The following NUP42 variants were observed in gnomAD, a reference collection of about 807,000 sequenced individuals.
NUP42 encodes the protein nucleoporin NUP42.
A neutral mutation model predicts 35.9 loss-of-function variants in NUP42; 47 were observed. The observed-to-expected ratio is 1.31, with a 90% CI of 1.04 to 1.67. The LOEUF (loss-of-function observed/expected upper bound fraction) is 1.67, where lower values mean the gene tolerates loss of function less well. Ranked by LOEUF, NUP42 falls within the 40% of genes most tolerant of loss-of-function variation. The pLI, the probability that NUP42 is intolerant of heterozygous loss-of-function variation, is 0.00. For missense variants in NUP42, 514 were observed against 492.2 expected (o/e 1.04, Z -0.42); for synonymous variants, 173 against 173.3 (o/e 1.00, Z 0.01).
chr7:23,185,395 A>G (rs1785557516), intron 2 of NUP42, 97 bp downstream of exon 2: 1 of 824,440 alleles, frequency 1.2e-6, no homozygotes, highest in Non-Finnish European at 1.9e-6. Flanking sequence ...TCTTTTCACA[A>G]TACAATATTT....
At chr7:23,191,413 T>C (rs138358555) in intron 3 of NUP42, among the ~76,000 whole-genome samples, 214 of 152,256 alleles carry the variant, frequency 1.4e-3, no homozygotes, top group African/African-American at 4.9e-3. Context: ...GAATTGGTCA[T>C]ATTTGGGTTC....
chr7:23,182,079 C>T lies in NUP42; in HGVS notation c.-7C>T, dbSNP rs780883616. The T allele has an allele frequency of 3.1e-5, 50 of 1,613,678 alleles. No homozygotes were observed. The highest frequency in any genetic ancestry group is 3.8e-5 in the Non-Finnish European group (45 of 1,180,018). Reference sequence around the variant, plus strand: ...TGAAGACGCCCTCCGTCAGCGACGCCGTCGCAATGGCCATTTGTCAATTCT... The same window carrying T: ...TGAAGACGCCCTCCGTCAGCGACGCTGTCGCAATGGCCATTTGTCAATTCT... On this transcript the variant is annotated 5_prime_UTR_variant, in exon 1 of 7. Transcript: ENST00000258742.
chr7:23,193,822 A>ACTT (rs2128474209), intron 3 of NUP42, among the ~76,000 whole-genome samples: 2 of 152,340 alleles, frequency 1.3e-5, no homozygotes, highest in South Asian at 4.1e-4. Context: ...TCAGGAGCGC[A>ACTT]CGGAGGTGAG....
At position 23,195,606 on chromosome 7, in the gene NUP42, C is replaced by T. The variant is rs144676384; in HGVS notation, c.446-233C>T. 62 of 376,870 alleles carry T rather than the reference C, an allele frequency of 1.6e-4. No individual in the cohort carries two copies. In the East Asian group the frequency reaches 2.0e-3, roughly 12 times the overall value. 23.3% of individuals were successfully genotyped at this position (376,870 alleles called of 1,614,324 possible). A position where few individuals can be genotyped will look rare whatever the true frequency, so the allele number is the denominator to read the frequency against. On this transcript the variant is annotated intron_variant, in intron 3 of 6. Coordinates refer to ENST00000258742, the MANE Select transcript of NUP42 (RefSeq NM_007342.3). ...TCTCCTGTGTTTGTTGTTCATTCTA[C>T]GCCACTTATCTTTAGAAAATCTTCC...
At chr7:23,185,351 C>G (rs1162279473) in intron 2 of NUP42, 53 bp downstream of exon 2, 1 of 1,200,820 alleles carries the variant, frequency 8.3e-7, no homozygotes, top group Non-Finnish European at 1.2e-6. Context: ...GTTTTTTCAC[C>G]TACAATCTTT....
chr7:23,187,296 A>C (rs1785626261), intron 3 of NUP42, 150 bp downstream of exon 3: 1 of 554,044 alleles, frequency 1.8e-6, no homozygotes, highest in Non-Finnish European at 3.2e-6. Context: ...TTCTAGCCAA[A>C]CTTCATAATT....
rs763992632 is a variant in NUP42 at position 23,200,405 on chromosome 7, T to C, written c.932T>C (p.Phe311Ser). ...TTCAAAAGCCCTGCAGCTTCCAGTT[T>C]TGGATCACCTGGATTTTCAGGACTT... The part of the protein sequence containing the change: ...FSFKSPAASS[F>S]GSPGFSGLPA... The change falls in exon 7 of 7, where the codon TTT (phenylalanine) becomes TCT (serine). Residue 311 changes from phenylalanine (F) to serine (S), a missense_variant. Transcript: ENST00000258742. The C allele has an allele frequency of 1.2e-6, 2 of 1,614,204 alleles. No individual in the cohort carries two copies. Among genetic ancestry groups the C allele is most frequent in the Non-Finnish European group, 1.7e-6 (2 of 1,180,032 alleles).
intron 6 of NUP42, 53 bp downstream of exon 6, chr7:23,199,595 TA>T: frequency 6.9e-7 from 1 of 1,459,344 alleles, no homozygotes; most frequent in Non-Finnish European, 9.6e-7. Flanking sequence ...TTAGATTTTA[TA>T]GGTTTCAAAT....
At chr7:23,187,916 T>G in intron 3 of NUP42, 3 of 520,478 alleles carry the variant, frequency 5.8e-6, no homozygotes, top group East Asian at 6.8e-5. Context: ...TGGAATAGCA[T>G]TTGCTTTAGA....
Position 23,200,776 on chromosome 7 carries a change from T to C in NUP42, c.*31T>C. 1 of 1,437,680 alleles carries C rather than the reference T, an allele frequency of 7.0e-7. No individual in the cohort carries two copies. The highest frequency in any genetic ancestry group is 9.4e-7 in the Non-Finnish European group (1 of 1,067,320). The allele number at this position is 1,437,680 out of a possible 1,614,324, so 89.1% of individuals were successfully genotyped here. ...CAATTTTAAATACAAAAAAGAATGATGTTTAAAATTGCTTTGAGTGATTCA... is the reference window on the plus strand; with the variant it reads ...CAATTTTAAATACAAAAAAGAATGACGTTTAAAATTGCTTTGAGTGATTCA... On this transcript the variant is annotated 3_prime_UTR_variant, in exon 7 of 7. Transcript: ENST00000258742.
chr7:23,183,324 A>G (rs943502155), intron 1 of NUP42, among the ~76,000 whole-genome samples: 1 of 151,988 alleles, frequency 6.6e-6, no homozygotes, highest in African/African-American at 2.4e-5. Flanking sequence ...GGCTCAAGCG[A>G]TTCTTATGCC....
chr7:23,188,009 T>TA (rs201273338), intron 3 of NUP42: 21,438 of 1,068,014 alleles, frequency 0.02, 378 homozygotes, highest in South Asian at 0.046. Flanking sequence ...TATTTTTTAT[T>TA]TTTATTTTTT....
intron 3 of NUP42, chr7:23,187,388 CTCTACGTTCTTGATTCCCTG>C (rs1348371053): frequency 4.4e-5 from 13 of 296,770 alleles, no homozygotes; most frequent in African/African-American, 2.4e-4. Context: ...CAGGAAGAGA[CTCTACGTTCTTGATTCCCTG>C]TATGTACAAC....
chr7:23,185,295 T>C lies in NUP42; in HGVS notation c.347T>C (p.Leu116Pro). 3.1e-6 allele frequency: 5 copies of C among 1,600,518 alleles called. No homozygotes were observed. The highest frequency in any genetic ancestry group is 3.4e-6 in the Non-Finnish European group (4 of 1,172,336). The change falls in exon 2 of 7, where the codon CTT becomes CCT. Residue 116 changes from leucine (L) to proline (P), a missense_variant. Coordinates refer to ENST00000258742, the MANE Select transcript of NUP42 (RefSeq NM_007342.3). Reference sequence around the variant, plus strand: ...GATGAGCAGAAAGATGAAAAGAAACTTCTGTAAGTGAAAGTTTTCAGGAAA... The same window carrying C: ...GATGAGCAGAAAGATGAAAAGAAACCTCTGTAAGTGAAAGTTTTCAGGAAA... ...SPDEQKDEKK[L>P]LEGIVKDMEV...
intron 1 of NUP42, among the ~76,000 whole-genome samples, chr7:23,184,107 A>C (rs1280184845): frequency 6.6e-6 from 1 of 152,180 alleles, no homozygotes; most frequent in Non-Finnish European, 1.5e-5. Flanking sequence ...ATATAAAGAG[A>C]GGAGAGAATC....
intron 5 of NUP42, chr7:23,197,257 G>A: frequency 7.9e-7 from 1 of 1,261,482 alleles, no homozygotes; most frequent in African/African-American, 1.5e-5. Flanking sequence ...TGTAAATAAA[G>A]TTATGATGTT....
At chr7:23,197,229 T>C in intron 5 of NUP42, 1 of 1,299,142 alleles carries the variant, frequency 7.7e-7, no homozygotes, top group Non-Finnish European at 1.0e-6. Context: ...GTCCCGACTG[T>C]GGCAAGTTCA....
chr7:23,191,529 G>A (rs1583767805), intron 3 of NUP42, among the ~76,000 whole-genome samples: 1 of 152,102 alleles, frequency 6.6e-6, no homozygotes, highest in Non-Finnish European at 1.5e-5. Flanking sequence ...GTAAAGATGG[G>A]GAAGACAAGT....
chr7:23,182,839 G>A (rs1418081963), intron 1 of NUP42, among the ~76,000 whole-genome samples: 4 of 150,496 alleles, frequency 2.7e-5, no homozygotes, highest in Non-Finnish European at 1.5e-5. Context: ...GCTTGAACCC[G>A]GGAGGTGGAG....
Sources: allele counts gnomAD v4.1 joint callset (sites outside exome capture counted in the v4.1 genomes callset), GRCh38; gene constraint gnomAD v4.1.1; transcripts MANE v1.5; gene names NCBI Gene and HGNC (gene_info 2026-07-23, HGNC 2026-07-21).